HACD2: variants seen among roughly 807,000 people sequenced by gnomAD.
HACD2 encodes 3-hydroxyacyl-CoA dehydratase 2.
A neutral mutation model predicts 31.0 loss-of-function variants in HACD2; 15 were observed. The ratio of observed to expected loss-of-function variants is 0.48; its 90% confidence interval spans 0.32 to 0.75. The LOEUF is 0.75. Ranked by LOEUF, HACD2 falls within the 30% of genes least tolerant of loss-of-function variation. The pLI, the probability that HACD2 is intolerant of heterozygous loss-of-function variation, is 0.03. For synonymous variants in HACD2, 115 were observed against 122.2 expected (o/e 0.94, Z 0.39); for missense variants, 283 against 313.0 (o/e 0.90, Z 0.72).
intron 3 of HACD2, among the ~76,000 whole-genome samples, chr3:123,551,696 T>TTA (rs2056622576): frequency 6.6e-6 from 1 of 152,092 alleles, no homozygotes; most frequent in Non-Finnish European, 1.5e-5. Context: ...GAAGTCTATA[T>TTA]TAGTAAAAGC....
intron 2 of HACD2, among the ~76,000 whole-genome samples, chr3:123,578,719 T>G (rs2056934128): frequency 6.6e-6 from 1 of 152,204 alleles, no homozygotes. Context: ...TTAAGTAAAC[T>G]CCCACAGAAC....
intron 3 of HACD2, among the ~76,000 whole-genome samples, chr3:123,536,588 G>GA (rs929030333): frequency 1.1e-4 from 16 of 152,120 alleles, no homozygotes; most frequent in African/African-American, 3.9e-4. Flanking sequence ...AACCTGAAAT[G>GA]AAAAAACTAA....
At chr3:123,520,514 G>A (rs1486174309) in intron 4 of HACD2, among the ~76,000 whole-genome samples, 1 of 152,206 alleles carries the variant, frequency 6.6e-6, no homozygotes, top group Non-Finnish European at 1.5e-5. Flanking sequence ...ATGGCTAAGA[G>A]CTACTGTATT....
At chr3:123,567,692 G>T in intron 3 of HACD2, 70 bp downstream of exon 3, 2 of 945,114 alleles carry the variant, frequency 2.1e-6, no homozygotes, top group Non-Finnish European at 3.0e-6. Flanking sequence ...AATCAATAAA[G>T]CCTATCATCT....
At chr3:123,517,462 A>C (rs1292184156) in intron 4 of HACD2, among the ~76,000 whole-genome samples, 1 of 152,220 alleles carries the variant, frequency 6.6e-6, no homozygotes, top group Non-Finnish European at 1.5e-5. Flanking sequence ...ATTTAATCCC[A>C]ACCTTCATCA....
intron 3 of HACD2, among the ~76,000 whole-genome samples, chr3:123,530,317 A>G (rs574774191): frequency 9.9e-5 from 15 of 151,926 alleles, no homozygotes; most frequent in Non-Finnish European, 1.9e-4. Context: ...TGACGCCATC[A>G]TATCTCTCAC....
intron 4 of HACD2, among the ~76,000 whole-genome samples, chr3:123,523,332 G>A (rs1415537265): frequency 6.6e-6 from 1 of 152,206 alleles, no homozygotes; most frequent in African/African-American, 2.4e-5. Context: ...AAAGCCGCTG[G>A]CTGCTTTGTA....
At chr3:123,530,444 C>G (rs1048727434) in intron 3 of HACD2, among the ~76,000 whole-genome samples, 1 of 146,648 alleles carries the variant, frequency 6.8e-6, no homozygotes, top group East Asian at 2.0e-4. Flanking sequence ...GAGTCTTGCT[C>G]TGTCGCCAGG....
intron 2 of HACD2, among the ~76,000 whole-genome samples, chr3:123,568,526 G>A (rs2056819064): frequency 6.6e-6 from 1 of 152,100 alleles, no homozygotes; most frequent in African/African-American, 2.4e-5. Context: ...TGGCGATTCT[G>A]GGGTCTGTCT....
intron 2 of HACD2, among the ~76,000 whole-genome samples, chr3:123,578,427 T>A (rs549585714): frequency 6.6e-6 from 1 of 152,230 alleles, no homozygotes; most frequent in East Asian, 1.9e-4. Context: ...TGTGCTACCA[T>A]GCCTGGCCAA....
At chr3:123,511,594 T>C (rs993862435) in intron 4 of HACD2, among the ~76,000 whole-genome samples, 2 of 152,038 alleles carry the variant, frequency 1.3e-5, no homozygotes, top group Non-Finnish European at 1.5e-5. Flanking sequence ...CAAGAAAGAC[T>C]GAGTAAAGCA....
intron 2 of HACD2, among the ~76,000 whole-genome samples, chr3:123,576,571 GT>G (rs2056909675): frequency 6.6e-6 from 1 of 152,164 alleles, no homozygotes; most frequent in Non-Finnish European, 1.5e-5. Context: ...TTAGAGATGT[GT>G]TTCCTCAAAA....
chr3:123,513,354 C>G (rs72968511), intron 4 of HACD2, among the ~76,000 whole-genome samples: 105 of 152,204 alleles, frequency 6.9e-4, no homozygotes, highest in African/African-American at 2.4e-3. Flanking sequence ...GGAGTCATTC[C>G]CACAAAATAC....
rs1036388013 is a variant in HACD2, at chr3:123,502,555, T to A, written c.503+5A>T. ...AAGTGAGCCTTTTGAAATGTGCTTT[T>A]TTACCTGGCCCATTTGATGAGGTAA... On this transcript the variant is annotated splice_donor_5th_base_variant and intron_variant, in intron 5 of 6. Coordinates refer to ENST00000383657, the MANE Select transcript of HACD2 (RefSeq NM_198402.5). 3.7e-6 allele frequency: 6 copies of A among 1,611,068 alleles called. No individual in the cohort carries two copies. The highest frequency in any genetic ancestry group is 4.2e-6 in the Non-Finnish European group (5 of 1,178,378).
chr3:123,559,893 G>A (rs186280435), intron 3 of HACD2, among the ~76,000 whole-genome samples: 14 of 152,292 alleles, frequency 9.2e-5, no homozygotes, highest in South Asian at 2.1e-4. Context: ...TGCAAAGTGC[G>A]AGGTACCAGG....
At chr3:123,543,112 C>A (rs2056513866) in intron 3 of HACD2, among the ~76,000 whole-genome samples, 1 of 152,108 alleles carries the variant, frequency 6.6e-6, no homozygotes, top group Admixed American at 6.5e-5. Context: ...GAAACACTAG[C>A]CCTCATTCCG....
At chr3:123,528,958 G>GAATATGTTGGCAA (rs2056318227) in intron 3 of HACD2, among the ~76,000 whole-genome samples, 1 of 151,552 alleles carries the variant, frequency 6.6e-6, no homozygotes, top group Non-Finnish European at 1.5e-5. Context: ...TTATCTACTT[G>GAATATGTTGGCAA]AATATTTTGC....
At chr3:123,566,261 C>G (rs1336655971) in intron 3 of HACD2, among the ~76,000 whole-genome samples, 1 of 152,092 alleles carries the variant, frequency 6.6e-6, no homozygotes, top group Non-Finnish European at 1.5e-5. Flanking sequence ...AGTGGGAAAC[C>G]AGCAGAGATG....
intron 2 of HACD2, among the ~76,000 whole-genome samples, chr3:123,572,534 A>G (rs1455178668): frequency 6.6e-6 from 1 of 152,138 alleles, no homozygotes; most frequent in African/African-American, 2.4e-5. Flanking sequence ...AATATGAACC[A>G]TAAACTCCTC....
Sources: gnomAD v4.1 joint callset for allele counts (sites outside exome capture counted in the v4.1 genomes callset) on GRCh38, gnomAD v4.1.1 for gene constraint, MANE v1.5 for transcripts, NCBI Gene and HGNC (gene_info 2026-07-23, HGNC 2026-07-21) for gene names.